Variants in GCNT1 observed in about 807,000 individuals in gnomAD.
GCNT1 encodes glucosaminyl (N-acetyl) transferase 1.
Under a neutral mutation model 26.2 loss-of-function variants are expected in GCNT1, and 16 were observed. The ratio of observed to expected loss-of-function variants is 0.61; its 90% CI spans 0.41 to 0.93. GCNT1 has a LOEUF of 0.93. Among genes scored for constraint, GCNT1 ranks in the 40% least tolerant of loss-of-function variants. The pLI, the probability that GCNT1 is intolerant of heterozygous loss-of-function variation, is 0.00. For missense variants in GCNT1, 477 were observed against 526.7 expected (o/e 0.91, Z 0.92); for synonymous variants, 183 against 190.8 (o/e 0.96, Z 0.34).
At chr9:76,446,723 A>C (rs1487810988) in intron 1 of GCNT1, among the ~76,000 whole-genome samples, 1 of 152,192 alleles carries the variant, frequency 6.6e-6, no homozygotes, top group African/African-American at 2.4e-5. Context: ...ACTGAAAAGA[A>C]CAAAGAGGCT....
intron 1 of GCNT1, among the ~76,000 whole-genome samples, chr9:76,451,066 T>A (rs1432710367): frequency 6.6e-6 from 1 of 152,248 alleles, no homozygotes; most frequent in Non-Finnish European, 1.5e-5. Context: ...CTTTTTTTCC[T>A]GGACAGTACA....
At position 76,480,797 on chromosome 9, in the gene GCNT1, A is replaced by G. The variant is rs528715453; in HGVS notation, c.-289-20119A>G. ...TTTCATGTCATTAATTCAGGCATGG[A>G]GAACTGATATTTTTTCTTCTGTATG... On this transcript the variant is annotated intron_variant, in intron 2 of 3. Coordinates refer to ENST00000376730, the MANE Select transcript of GCNT1 (RefSeq NM_001490.5). 4.6e-5 allele frequency among the ~76,000 whole-genome samples: 7 copies of G among 152,358 alleles called. No homozygotes were observed. In the East Asian group the frequency reaches 1.2e-3, roughly 25 times the overall value.
intron 2 of GCNT1, among the ~76,000 whole-genome samples, chr9:76,468,732 A>T (rs774847518): frequency 1.2e-4 from 18 of 152,194 alleles, no homozygotes; most frequent in Non-Finnish European, 1.9e-4. Flanking sequence ...TGCTATGCCT[A>T]TCAGTAGTCA....
intron 1 of GCNT1, among the ~76,000 whole-genome samples, chr9:76,442,868 T>TTTTTTTTTTTTTTTTTTTTTTG (rs1341018800): frequency 6.6e-6 from 1 of 151,742 alleles, no homozygotes; most frequent in Non-Finnish European, 1.5e-5. Flanking sequence ...CAAGCACTTT[T>TTTTTTTTTTTTTTTTTTTTTTG]ATAGATGTTG....
chr9:76,429,505 A>AT (rs1425301751), intron 1 of GCNT1, among the ~76,000 whole-genome samples: 1 of 152,016 alleles, frequency 6.6e-6, no homozygotes, highest in Non-Finnish European at 1.5e-5. Flanking sequence ...ATTTCTCATG[A>AT]TTTTTTGGAT....
At chr9:76,473,859 T>G (rs1202561798) in intron 2 of GCNT1, among the ~76,000 whole-genome samples, 1 of 152,156 alleles carries the variant, frequency 6.6e-6, no homozygotes, top group Non-Finnish European at 1.5e-5. Context: ...TCCCAGCACT[T>G]TAGGAGGCCT....
intron 2 of GCNT1, among the ~76,000 whole-genome samples, chr9:76,483,439 G>C (rs556599077): frequency 2.0e-5 from 3 of 151,956 alleles, no homozygotes; most frequent in Non-Finnish European, 4.4e-5. Context: ...AATAGAGACA[G>C]GGTCTTTCTC....
intron 2 of GCNT1, among the ~76,000 whole-genome samples, chr9:76,474,913 TTATAA>T (rs1227773563): frequency 6.6e-6 from 1 of 152,222 alleles, no homozygotes; most frequent in Admixed American, 6.5e-5. Flanking sequence ...CAGTGCATGT[TTATAA>T]TATATTTATC....
chr9:76,482,334 A>G (rs898145118), intron 2 of GCNT1, among the ~76,000 whole-genome samples: 2 of 151,950 alleles, frequency 1.3e-5, no homozygotes, highest in African/African-American at 4.8e-5. Flanking sequence ...AAAAAAAAGA[A>G]TCAGGGCTGG....
upstream of GCNT1, among the ~76,000 whole-genome samples, chr9:76,417,812 C>T (rs1301774656): frequency 6.6e-6 from 1 of 152,272 alleles, no homozygotes; most frequent in South Asian, 2.1e-4. Flanking sequence ...CATAGCACCC[C>T]AGTAAGATCA....
intron 2 of GCNT1, among the ~76,000 whole-genome samples, chr9:76,461,576 C>T (rs1823871149): frequency 6.7e-6 from 1 of 149,148 alleles, no homozygotes; most frequent in South Asian, 2.1e-4. Context: ...GAGCGAGAGT[C>T]TGTCTCAAAA....
chr9:76,404,611 G>A, the GCNT1 span, among the ~76,000 whole-genome samples: 3 of 152,168 alleles, frequency 2.0e-5, no homozygotes, highest in Non-Finnish European at 4.4e-5. Flanking sequence ...ACAGAGAACT[G>A]TAGCAACTCT....
chr9:76,460,900 TC>T (rs1369349596), intron 2 of GCNT1, among the ~76,000 whole-genome samples: 1 of 152,236 alleles, frequency 6.6e-6, no homozygotes, highest in East Asian at 1.9e-4. Flanking sequence ...CTAGATTCTA[TC>T]CTTCATTAAT....
intron 1 of GCNT1, among the ~76,000 whole-genome samples, chr9:76,424,422 T>G (rs921523600): frequency 2.0e-5 from 3 of 152,188 alleles, no homozygotes; most frequent in Non-Finnish European, 4.4e-5. Flanking sequence ...TTAAAAGACC[T>G]AGGTCCATTT....
Position 76,430,677 on chromosome 9 carries a change from C to A in GCNT1, n.38+10790C>A, listed in dbSNP as rs573997438. On this transcript the variant is annotated intron_variant and non_coding_transcript_variant, in intron 1 of 3. Coordinates refer to the GCNT1 transcript ENST00000488136. ...CTGGGATTACAAGAATGAGCCACTG[C>A]ACCTGGTTAGTCCTCTTTTTTTTTG... is the stretch of plus-strand genomic sequence containing the variant. Among the ~76,000 whole-genome samples, 8 of 151,404 alleles carry A rather than the reference C, an allele frequency of 5.3e-5. No homozygotes were observed. The East Asian group carries it at 1.4e-3, about 26-fold the overall frequency.
chr9:76,451,428 C>T (rs1306308657), intron 1 of GCNT1, among the ~76,000 whole-genome samples: 1 of 152,106 alleles, frequency 6.6e-6, no homozygotes, highest in Non-Finnish European at 1.5e-5. Context: ...CCTAAGCCTC[C>T]TACATGGGGT....
In GCNT1 at chr9:76,428,275, AAAAAAAAAAAAAAACTT is replaced by A. The variant is rs1318828714; in HGVS notation, n.38+8400_38+8416del. 5.1e-4 allele frequency among the ~76,000 whole-genome samples: 72 copies of A among 141,220 alleles called. 1 individual carries two copies. Among genetic ancestry groups the A allele is most frequent in the Non-Finnish European group, 9.4e-4 (61 of 65,200 alleles). 92.6% of individuals were successfully genotyped at this position (141,220 alleles called of 152,430 possible). On this transcript the variant is annotated intron_variant and non_coding_transcript_variant, in intron 1 of 3. Coordinates refer to the GCNT1 transcript ENST00000488136. The stretch of plus-strand genomic sequence containing the variant: ...AGCAAGACTCCGTCTCAAAAAAAAA[AAAAAAAAAAAAAAACTT>A]AAAAAAAAAAAGAGAGAGAGAAATG...
At chr9:76,415,308 C>T (rs1587400640), upstream of GCNT1, among the ~76,000 whole-genome samples, 1 of 152,202 alleles carries the variant, frequency 6.6e-6, no homozygotes, top group Non-Finnish European at 1.5e-5. Context: ...CCACTTGTCT[C>T]AGTCTTGGTA....
At chr9:76,411,259 C>G in the GCNT1 span, among the ~76,000 whole-genome samples, 1 of 151,990 alleles carries the variant, frequency 6.6e-6, no homozygotes, top group Non-Finnish European at 1.5e-5. Context: ...TGTCTTTATT[C>G]CTTGTTCCTG....
Sources: allele counts gnomAD v4.1 joint callset (sites outside exome capture counted in the v4.1 genomes callset), GRCh38; gene constraint gnomAD v4.1.1; transcripts MANE v1.5; gene names NCBI Gene and HGNC (gene_info 2026-07-23, HGNC 2026-07-21).